The following IL1RAPL1 variants were observed in gnomAD, a reference collection of about 807,000 sequenced individuals.
IL1RAPL1 encodes interleukin 1 receptor accessory protein like 1, also known as interleukin-1 receptor accessory protein-like 1.
A neutral mutation model predicts 48.4 loss-of-function variants in IL1RAPL1; 3 were observed. The observed-to-expected ratio is 0.06, with a 90% confidence interval of 0.03 to 0.16. The LOEUF is 0.16. Ranked by LOEUF, IL1RAPL1 falls within the 10% of genes least tolerant of loss-of-function variation. IL1RAPL1 has a pLI of 1.00. For synonymous variants in IL1RAPL1, 185 were observed against 187.7 expected, an observed-to-expected ratio of 0.99 and a Z score of 0.12; for missense variants, 349 against 530.6, an observed-to-expected ratio of 0.66 and a Z score of 3.36.
intron 2 of IL1RAPL1, among the ~76,000 whole-genome samples, chrX:29,006,643 ATATATGTG>A (rs1925986509): frequency 1.2e-5 from 1 of 85,647 alleles, no homozygotes; most frequent in Non-Finnish European, 2.2e-5. Flanking sequence ...GTGTGTTTAT[ATATATGTG>A]TGTGTGTGTG....
intron 6 of IL1RAPL1, among the ~76,000 whole-genome samples, chrX:29,804,974 A>G (rs1397288491): frequency 8.9e-6 from 1 of 111,924 alleles, no homozygotes; most frequent in Non-Finnish European, 1.9e-5. Context: ...AATACTGAGC[A>G]TCTACACATT....
At chrX:29,706,755 T>C (rs774800969) in intron 6 of IL1RAPL1, among the ~76,000 whole-genome samples, 19 of 111,754 alleles carry the variant, frequency 1.7e-4, no homozygotes, top group South Asian at 3.8e-4. Context: ...TGTAGAAGAA[T>C]GAAACTGGAT....
chrX:29,493,044 G>T (rs961387911), intron 5 of IL1RAPL1, among the ~76,000 whole-genome samples: 14 of 111,824 alleles, frequency 1.3e-4, no homozygotes, highest in African/African-American at 4.5e-4. Context: ...TAATAGAGCT[G>T]CCTTTTCTTT....
chrX:29,183,464 T>C (rs1041601341), intron 2 of IL1RAPL1, among the ~76,000 whole-genome samples: 13 of 111,666 alleles, frequency 1.2e-4, no homozygotes, highest in African/African-American at 3.3e-5. Context: ...TTCTGTGGAA[T>C]AAAGTGCAAG....
chrX:28,933,804 C>T (rs1399557625), intron 2 of IL1RAPL1, among the ~76,000 whole-genome samples: 1 of 111,445 alleles, frequency 9.0e-6, no homozygotes, highest in East Asian at 2.8e-4. Context: ...CATGAGTTTT[C>T]TGGGAAAAGG....
rs1213799436 is a variant in IL1RAPL1 at position 29,802,963 on chromosome X, G to A, written c.779-114501G>A. On this transcript the variant is annotated intron_variant, in intron 6 of 10. Transcript: ENST00000378993. The stretch of plus-strand genomic sequence containing the variant: ...CATATGTATGCATATATGTATACAT[G>A]TGTACATATATACATACATGTGTAC... Among the ~76,000 whole-genome samples, 3 of 87,884 alleles carry A rather than the reference G, an allele frequency of 3.4e-5. 1 individual carries two copies. The highest frequency in any genetic ancestry group is 1.3e-4 in the African/African-American group (3 of 22,398). 76.3% of individuals were successfully genotyped at this position (87,884 alleles called of 115,157 possible).
chrX:29,252,132 G>T (rs1361297518), intron 2 of IL1RAPL1, among the ~76,000 whole-genome samples: 6 of 107,279 alleles, frequency 5.6e-5, no homozygotes, highest in Admixed American at 9.5e-5. Flanking sequence ...AGGGGAGGGG[G>T]GAGGGATAGC....
At chrX:28,677,750 A>G (rs187710268) in intron 1 of IL1RAPL1, among the ~76,000 whole-genome samples, 2 of 110,829 alleles carry the variant, frequency 1.8e-5, no homozygotes, top group African/African-American at 3.3e-5. Flanking sequence ...ACGAAGCCCA[A>G]CTAATTTTTG....
At chrX:28,600,780 T>A (rs1478575007) in intron 1 of IL1RAPL1, among the ~76,000 whole-genome samples, 1 of 111,765 alleles carries the variant, frequency 8.9e-6, no homozygotes, top group Non-Finnish European at 1.9e-5. Context: ...TTGAATACGA[T>A]GAATTTGAAA....
chrX:29,622,046 A>T (rs768886575), intron 5 of IL1RAPL1, among the ~76,000 whole-genome samples: 1 of 112,279 alleles, frequency 8.9e-6, no homozygotes, highest in Non-Finnish European at 1.9e-5. Flanking sequence ...TTCACTTAAC[A>T]TATTGACCTT....
At position 29,642,258 on chromosome X, in the gene IL1RAPL1, A is replaced by G. The variant is rs1221020578; in HGVS notation, c.704-26172A>G. Among the ~76,000 whole-genome samples, 4 of 112,135 alleles carry G rather than the reference A, an allele frequency of 3.6e-5. No homozygotes were observed. The East Asian group carries it at 1.1e-3, about 31-fold the overall frequency. On this transcript the variant is annotated intron_variant, in intron 5 of 10. Coordinates refer to ENST00000378993, the MANE Select transcript of IL1RAPL1 (RefSeq NM_014271.4). Reference sequence around the variant, plus strand: ...GTGAGGCATCTTACTCTTATTTTGTATTAAAGCCCTGCGCTAATATTTCTA... The same window carrying G: ...GTGAGGCATCTTACTCTTATTTTGTGTTAAAGCCCTGCGCTAATATTTCTA...
At chrX:28,940,976 T>A (rs1251658928) in intron 2 of IL1RAPL1, among the ~76,000 whole-genome samples, 1 of 111,142 alleles carries the variant, frequency 9.0e-6, no homozygotes, top group Non-Finnish European at 1.9e-5. Flanking sequence ...CTATATATAT[T>A]TTTTGTTTAG....
intron 6 of IL1RAPL1, among the ~76,000 whole-genome samples, chrX:29,729,615 T>C (rs1007917444): frequency 8.9e-6 from 1 of 111,978 alleles, no homozygotes; most frequent in Non-Finnish European, 1.9e-5. Flanking sequence ...CCAACTACAG[T>C]GAGCAGCTTT....
At chrX:28,793,067 AATAGATTTT>A (rs1936571845) in intron 2 of IL1RAPL1, among the ~76,000 whole-genome samples, 1 of 106,666 alleles carries the variant, frequency 9.4e-6, no homozygotes, top group African/African-American at 3.4e-5. Context: ...TTCGTTACAC[AATAGATTTT>A]ATCCTGGGAC....
chrX:29,934,738 T>C (rs922907056), intron 8 of IL1RAPL1, among the ~76,000 whole-genome samples: 6 of 111,743 alleles, frequency 5.4e-5, no homozygotes, highest in Admixed American at 1.9e-4. Flanking sequence ...TGAGAGCACA[T>C]TGCAGACACT....
chrX:29,763,683 T>C (rs1928808066), intron 6 of IL1RAPL1, among the ~76,000 whole-genome samples: 1 of 111,282 alleles, frequency 9.0e-6, no homozygotes, highest in Non-Finnish European at 1.9e-5. Context: ...CTGTTCACCA[T>C]AGACAATGAA....
chrX:28,958,082 G>A (rs1048629878), intron 2 of IL1RAPL1, among the ~76,000 whole-genome samples: 15 of 111,836 alleles, frequency 1.3e-4, no homozygotes, highest in African/African-American at 4.5e-4. Flanking sequence ...AATGGAGCCA[G>A]TTATCATATG....
At chrX:29,162,924 T>A (rs5985966) in intron 2 of IL1RAPL1, among the ~76,000 whole-genome samples, 21,964 of 106,950 alleles carry the variant, frequency 0.21, 2,018 homozygotes, top group African/African-American at 0.33. Context: ...ATACAAAAAA[T>A]TAGCCAGGCA....
At chrX:28,893,016 G>A (rs1008328478) in intron 2 of IL1RAPL1, among the ~76,000 whole-genome samples, 1 of 111,263 alleles carries the variant, frequency 9.0e-6, no homozygotes, top group African/African-American at 3.3e-5. Context: ...GCACCAGGAA[G>A]TATCAGCTGT....
Sources: allele counts gnomAD v4.1 joint callset (sites outside exome capture counted in the v4.1 genomes callset), GRCh38; gene constraint gnomAD v4.1.1; transcripts MANE v1.5; gene names NCBI Gene and HGNC (gene_info 2026-07-23, HGNC 2026-07-21).